Variants in GTF2A1L observed in about 807,000 individuals in gnomAD.
GTF2A1L encodes general transcription factor IIA subunit 1 like.
In GTF2A1L, 48 loss-of-function variants were observed where a neutral mutation model predicts 49.7. The ratio of observed to expected loss-of-function variants is 0.97; its 90% CI spans 0.77 to 1.23. The LOEUF is 1.23. Ranked by LOEUF, GTF2A1L falls within the 50% of genes most tolerant of loss-of-function variation. The pLI is 0.00. For missense variants in GTF2A1L, 736 were observed against 564.8 expected (o/e 1.30, Z -3.07); for synonymous variants, 246 against 193.5 (o/e 1.27, Z -2.25).
chr2:48,656,739 C>A (rs1376897845), intron 6 of GTF2A1L, among the ~76,000 whole-genome samples: 1 of 152,028 alleles, frequency 6.6e-6, no homozygotes, highest in African/African-American at 2.4e-5. Context: ...GTTGCCTATG[C>A]TTTTGGTGTC....
Position 48,669,825 on chromosome 2 carries a change from T to A in GTF2A1L, c.1082T>A (p.Ile361Lys), listed in dbSNP as rs1402500917. 2.0e-5 allele frequency: 32 copies of A among 1,613,842 alleles called. No individual in the cohort carries two copies. Among genetic ancestry groups the A allele is most frequent in the Non-Finnish European group, 2.6e-5 (31 of 1,179,970 alleles). The change falls in exon 7 of 9, where the codon ATA becomes AAA. Residue 361 changes from isoleucine to lysine, a missense_variant. Transcript: ENST00000403751. The stretch of plus-strand genomic sequence containing the variant: ...GGTGATACATCTTCCAATGAAGAAA[T>A]AGGAAGTACAAGAGATGCAGATGAG... ...GSGDTSSNEE[I>K]GSTRDADENE...
chr2:48,674,474 C>G (rs1216644217), intron 8 of GTF2A1L, among the ~76,000 whole-genome samples: 3 of 151,918 alleles, frequency 2.0e-5, no homozygotes. Context: ...AAAATAAGGT[C>G]ACTTTCTCCA....
rs950087534 is a variant in GTF2A1L at position 48,622,349 on chromosome 2, A to G, written c.247+1059A>G. 2.0e-5 allele frequency among the ~76,000 whole-genome samples: 3 copies of G among 152,332 alleles called. No individual in the cohort carries two copies. In the East Asian group the frequency reaches 5.8e-4, roughly 29 times the overall value. Reference sequence around the variant, plus strand: ...GTAAGAATTAGTCTTGGCAGTTTTAATTGTTGACACATTGAAACATTTTTC... The same window carrying G: ...GTAAGAATTAGTCTTGGCAGTTTTAGTTGTTGACACATTGAAACATTTTTC... On this transcript the variant is annotated intron_variant, in intron 3 of 8. Transcript: ENST00000403751.
At chr2:48,640,044 T>C (rs918282908) in intron 3 of GTF2A1L, among the ~76,000 whole-genome samples, 1 of 151,946 alleles carries the variant, frequency 6.6e-6, no homozygotes, top group Non-Finnish European at 1.5e-5. Flanking sequence ...AAGTAAAAAA[T>C]GAACAGATAC....
intron 8 of GTF2A1L, among the ~76,000 whole-genome samples, chr2:48,677,862 C>T (rs1222755269): frequency 6.6e-6 from 1 of 151,834 alleles, no homozygotes; most frequent in African/African-American, 2.4e-5. Flanking sequence ...AAGAATACCT[C>T]TAAGATTTTT....
chr2:48,647,505 C>T lies in GTF2A1L; in HGVS notation c.978+463C>T, dbSNP rs577438603. Among the ~76,000 whole-genome samples, 69 of 152,060 alleles carry T rather than the reference C, an allele frequency of 4.5e-4. No individual in the cohort carries two copies. The South Asian group carries it at 0.013, about 29-fold the overall frequency. On this transcript the variant is annotated intron_variant, in intron 6 of 8. Coordinates refer to ENST00000403751, the MANE Select transcript of GTF2A1L (RefSeq NM_006872.5). ...GTCTGCAGATAAAAATTAAAAGACCCAGAAATCCAGACCAGTAGTTTGTGG... is the reference window on the plus strand; with the variant it reads ...GTCTGCAGATAAAAATTAAAAGACCTAGAAATCCAGACCAGTAGTTTGTGG...
At chr2:48,669,482 C>T (rs1241608245) in intron 6 of GTF2A1L, among the ~76,000 whole-genome samples, 1 of 152,064 alleles carries the variant, frequency 6.6e-6, no homozygotes, top group Non-Finnish European at 1.5e-5. Flanking sequence ...AAGTAATAAA[C>T]TCATTTGCTG....
chr2:48,650,607 T>C (rs1043495865), intron 6 of GTF2A1L, among the ~76,000 whole-genome samples: 2 of 152,166 alleles, frequency 1.3e-5, no homozygotes, highest in African/African-American at 4.8e-5. Context: ...ACTTTTTGAG[T>C]CTCTATATGC....
intron 1 of GTF2A1L, 121 bp downstream of exon 1, chr2:48,618,016 T>G: frequency 1.0e-6 from 1 of 1,000,882 alleles, no homozygotes; most frequent in Non-Finnish European, 1.5e-6. Flanking sequence ...ACCCTCTCTC[T>G]TCCTTAGGGG....
chr2:48,663,655 T>A (rs1019425373), intron 6 of GTF2A1L, among the ~76,000 whole-genome samples: 2 of 152,202 alleles, frequency 1.3e-5, no homozygotes, highest in African/African-American at 4.8e-5. Flanking sequence ...TATTTTTATA[T>A]TTTGAGACAG....
chr2:48,647,180 T>C, intron 6 of GTF2A1L, 138 bp downstream of exon 6: 1 of 834,358 alleles, frequency 1.2e-6, no homozygotes, highest in Non-Finnish European at 1.7e-6. Context: ...TATTTCTTTT[T>C]TCTAGTGATT....
chr2:48,642,869 A>G (rs1318879062), intron 4 of GTF2A1L, among the ~76,000 whole-genome samples: 3 of 147,806 alleles, frequency 2.0e-5, no homozygotes, highest in Non-Finnish European at 4.5e-5. Flanking sequence ...AGAAAAAAAA[A>G]AAAAGATGTG....
intron 3 of GTF2A1L, among the ~76,000 whole-genome samples, chr2:48,637,087 G>C (rs1299122062): frequency 6.6e-6 from 1 of 152,158 alleles, no homozygotes; most frequent in Non-Finnish European, 1.5e-5. Context: ...AATGTGGTTG[G>C]TTCTTTAGGT....
At chr2:48,660,903 A>C (rs1281374377) in intron 6 of GTF2A1L, among the ~76,000 whole-genome samples, 1 of 152,166 alleles carries the variant, frequency 6.6e-6, no homozygotes, top group Non-Finnish European at 1.5e-5. Context: ...GGCCTCTCAG[A>C]GTGTTGTGAT....
intron 6 of GTF2A1L, among the ~76,000 whole-genome samples, chr2:48,648,821 C>G (rs1677683308): frequency 6.6e-6 from 1 of 152,054 alleles, no homozygotes; most frequent in Non-Finnish European, 1.5e-5. Flanking sequence ...CACACAAAAT[C>G]CAAACGTACA....
intron 1 of GTF2A1L, chr2:48,618,166 T>C: frequency 2.1e-6 from 1 of 469,892 alleles, no homozygotes; most frequent in Non-Finnish European, 3.8e-6. Context: ...TTGGGGTGTT[T>C]AGAGGTGGAA....
chr2:48,627,822 C>T (rs1248210645), intron 3 of GTF2A1L, among the ~76,000 whole-genome samples: 1 of 143,120 alleles, frequency 7.0e-6, no homozygotes, highest in Non-Finnish European at 1.6e-5. Context: ...CATAGTACCC[C>T]CAGGTACTGA....
At chr2:48,671,403 C>T (rs1679157605) in intron 7 of GTF2A1L, among the ~76,000 whole-genome samples, 188 bp from the exon 8 acceptor site, 1 of 152,002 alleles carries the variant, frequency 6.6e-6, no homozygotes, top group Non-Finnish European at 1.5e-5. Context: ...GGGATTTCAC[C>T]ATGTTGCCCA....
intron 6 of GTF2A1L, 96 bp from the exon 7 acceptor site, chr2:48,669,626 G>T: frequency 6.9e-7 from 1 of 1,452,134 alleles, no homozygotes; most frequent in Non-Finnish European, 9.2e-7. Flanking sequence ...TGCTTGAACT[G>T]ACCATTTGTG....
Sources: gnomAD v4.1 joint callset for allele counts (sites outside exome capture counted in the v4.1 genomes callset) on GRCh38, gnomAD v4.1.1 for gene constraint, MANE v1.5 for transcripts, NCBI Gene and HGNC (gene_info 2026-07-23, HGNC 2026-07-21) for gene names.